INSYN2B: variants seen among roughly 807,000 people sequenced by gnomAD.
INSYN2B encodes the protein protein INSYN2B.
Under a neutral mutation model 41.2 loss-of-function variants are expected in INSYN2B, and 16 were observed. That is an observed-to-expected ratio of 0.39 (90% CI 0.26 to 0.59). INSYN2B has a LOEUF of 0.59. INSYN2B is among the 20% of genes least tolerant of loss of function. INSYN2B has a pLI of 0.57. For missense variants in INSYN2B, 608 were observed against 646.4 expected, an observed-to-expected ratio of 0.94 and a Z score of 0.64; for synonymous variants, 245 against 244.4, an observed-to-expected ratio of 1.00 and a Z score of -0.02.
In INSYN2B at chr5:169,896,172, T is replaced by C. The variant is rs958178306; in HGVS notation, c.-918-11356A>G. On this transcript the variant is annotated intron_variant, in intron 1 of 3. Transcript: ENST00000377365. ...TGAAAGAGCCAGAAACCGTTGCTCC[T>C]GGGGTCGGGGGGCGGGGAGGCAGTC... Among the ~76,000 whole-genome samples the C allele has an allele frequency of 2.8e-4, 40 of 142,710 alleles. 1 individual carries two copies. Among genetic ancestry groups the C allele is most frequent in the Middle Eastern group, 3.6e-3 (1 of 278 alleles). 93.6% of individuals were successfully genotyped at this position (142,710 alleles called of 152,430 possible).
At chr5:169,872,916 G>A (rs534505968) in intron 3 of INSYN2B, among the ~76,000 whole-genome samples, 3 of 152,318 alleles carry the variant, frequency 2.0e-5, no homozygotes, top group East Asian at 1.9e-4. Flanking sequence ...GGAATGAAAC[G>A]ATAGACATAT....
At chr5:169,956,324 T>C (rs1404926512) in intron 1 of INSYN2B, among the ~76,000 whole-genome samples, 1 of 152,144 alleles carries the variant, frequency 6.6e-6, no homozygotes, top group Non-Finnish European at 1.5e-5. Context: ...ATTAGGGAAA[T>C]GATGCCAAGA....
chr5:169,891,303 T>C (rs1476098270), intron 1 of INSYN2B, among the ~76,000 whole-genome samples: 3 of 152,232 alleles, frequency 2.0e-5, no homozygotes, highest in African/African-American at 7.2e-5. Flanking sequence ...ATTAGCTTAT[T>C]TGTGTATTAT....
At chr5:169,868,876 A>C (rs1701515310) in intron 3 of INSYN2B, among the ~76,000 whole-genome samples, 1 of 152,204 alleles carries the variant, frequency 6.6e-6, no homozygotes, top group South Asian at 2.1e-4. Flanking sequence ...TCACAACTTG[A>C]AGCCCAGCCC....
In INSYN2B at chr5:169,971,251, A is replaced by T. The variant is rs545387076; in HGVS notation, c.-919+9026T>A. 1.4e-4 allele frequency among the ~76,000 whole-genome samples: 22 copies of T among 151,996 alleles called. No homozygotes were observed. In the South Asian group the frequency reaches 4.6e-3, roughly 32 times the overall value. ...CAAACCAATGAATCAATGAAGTATC[A>T]TTCCCAGAGCAGGAAGGAAGCTGCC... On this transcript the variant is annotated intron_variant, in intron 1 of 3. Transcript: ENST00000377365.
At chr5:169,972,754 G>A (rs1777569899) in intron 1 of INSYN2B, among the ~76,000 whole-genome samples, 1 of 152,176 alleles carries the variant, frequency 6.6e-6, no homozygotes, top group Admixed American at 6.5e-5. Context: ...TTGATTGATT[G>A]GGAGTGAGGA....
intron 1 of INSYN2B, among the ~76,000 whole-genome samples, chr5:169,969,714 A>C (rs1374079133): frequency 6.7e-6 from 1 of 150,246 alleles, no homozygotes; most frequent in Non-Finnish European, 1.5e-5. Flanking sequence ...TGGGGTGACC[A>C]ACTGTCCTGG....
chr5:169,914,143 A>C (rs1428658957), intron 1 of INSYN2B, among the ~76,000 whole-genome samples: 5 of 152,062 alleles, frequency 3.3e-5, no homozygotes, highest in Non-Finnish European at 7.4e-5. Context: ...CCTGAAGACA[A>C]CCCTTCAAAG....
At chr5:169,977,628 C>A (rs905624724) in intron 1 of INSYN2B, among the ~76,000 whole-genome samples, 2 of 152,126 alleles carry the variant, frequency 1.3e-5, no homozygotes, top group African/African-American at 4.8e-5. Context: ...GCTCCTAAGC[C>A]CCCACTCTCA....
chr5:169,954,266 C>T (rs1354748103), intron 1 of INSYN2B, among the ~76,000 whole-genome samples: 2 of 152,104 alleles, frequency 1.3e-5, no homozygotes, highest in African/African-American at 4.8e-5. Context: ...AAAATCCTTT[C>T]GAAGTGAGTG....
In INSYN2B at chr5:169,883,723, G is replaced by A. The variant is rs189748904; in HGVS notation, c.176C>T (p.Pro59Leu). 4 of 1,551,420 alleles carry A rather than the reference G, an allele frequency of 2.6e-6. No homozygotes were observed. In the East Asian group the frequency reaches 9.8e-5, roughly 38 times the overall value. Residue 59 changes from proline (P) to leucine (L), a missense_variant, in exon 2 of 4, where the codon CCA becomes CTA. Pro to Leu is a moderately conservative substitution (Grantham distance 98). Coordinates refer to ENST00000377365, the MANE Select transcript of INSYN2B (RefSeq NM_001129891.3). ...TGLAEVDVQT[P>L]EDPAVMGKTQ... ...CTTCCCCATCACAGCCGGGTCTTCT[G>A]GAGTTTGGACGTCAACCTCAGCTAG...
intron 3 of INSYN2B, among the ~76,000 whole-genome samples, chr5:169,868,774 T>C (rs1483823604): frequency 6.6e-6 from 1 of 152,118 alleles, no homozygotes; most frequent in Non-Finnish European, 1.5e-5. Flanking sequence ...AAGAAAATGA[T>C]ATTAATGCTC....
intron 1 of INSYN2B, among the ~76,000 whole-genome samples, chr5:169,974,392 T>C (rs6869158): frequency 0.27 from 40,908 of 152,156 alleles, 5,866 homozygotes; most frequent in Middle Eastern, 0.34. Context: ...TTTTTCTTCC[T>C]TTGTTATGGC....
intron 1 of INSYN2B, among the ~76,000 whole-genome samples, chr5:169,909,061 C>T (rs1297976824): frequency 6.6e-6 from 1 of 152,210 alleles, no homozygotes; most frequent in Admixed American, 6.5e-5. Flanking sequence ...CTGAGCCAGG[C>T]TGCCTGCTTT....
chr5:169,871,099 C>T lies in INSYN2B; in HGVS notation c.1422-6640G>A, dbSNP rs372184252. Among the ~76,000 whole-genome samples, 29 of 152,230 alleles carry T rather than the reference C, an allele frequency of 1.9e-4. No individual in the cohort carries two copies. The East Asian group carries it at 1.9e-3, about 10-fold the overall frequency. On this transcript the variant is annotated intron_variant, in intron 3 of 3. Transcript: ENST00000377365. ...TTTATAAGGGCACTAATCCCATTCA[C>T]GAGGACTCCAAGTTCATGACCTAAT...
At chr5:169,885,446 A>G (rs1268762732) in intron 1 of INSYN2B, among the ~76,000 whole-genome samples, 1 of 152,220 alleles carries the variant, frequency 6.6e-6, no homozygotes, top group Non-Finnish European at 1.5e-5. Flanking sequence ...GTATCCTGCT[A>G]GGGCAACAGG....
intron 1 of INSYN2B, among the ~76,000 whole-genome samples, chr5:169,901,603 A>AAGGT (rs1475429586): frequency 6.6e-6 from 1 of 152,230 alleles, no homozygotes; most frequent in Non-Finnish European, 1.5e-5. Context: ...TGATGATGGC[A>AAGGT]AGGTGGTAAC....
chr5:169,934,418 C>G (rs1476790708), intron 1 of INSYN2B, among the ~76,000 whole-genome samples: 1 of 152,212 alleles, frequency 6.6e-6, no homozygotes, highest in African/African-American at 2.4e-5. Context: ...CCGTGAATCA[C>G]AAACCCTCAA....
At chr5:169,934,326 A>G (rs1775888777) in intron 1 of INSYN2B, among the ~76,000 whole-genome samples, 1 of 152,120 alleles carries the variant, frequency 6.6e-6, no homozygotes, top group African/African-American at 2.4e-5. Flanking sequence ...TTCCCCTCCT[A>G]GGTACTTTGG....
Sources: allele counts gnomAD v4.1 joint callset (sites outside exome capture counted in the v4.1 genomes callset), GRCh38; gene constraint gnomAD v4.1.1; transcripts MANE v1.5; gene names NCBI Gene and HGNC (gene_info 2026-07-23, HGNC 2026-07-21).